The following TENM2 variants were observed in gnomAD, a reference collection of about 807,000 sequenced individuals.
TENM2 encodes teneurin-2.
Under a neutral mutation model 245.2 loss-of-function variants are expected in TENM2, and 52 were observed. That is an observed-to-expected ratio of 0.21 (90% CI 0.17 to 0.27). The LOEUF is 0.27. Ranked by LOEUF, TENM2 falls within the 10% of genes least tolerant of loss-of-function variation. TENM2 has a pLI of 1.00. For synonymous variants in TENM2, 1,363 were observed against 1,438.9 expected, an observed-to-expected ratio of 0.95 and a Z score of 1.19; for missense variants, 3,046 against 3,666.8, an observed-to-expected ratio of 0.83 and a Z score of 4.37.
chr5:167,339,713 G>A (rs1757985008), intron 1 of TENM2, among the ~76,000 whole-genome samples: 1 of 151,880 alleles, frequency 6.6e-6, no homozygotes, highest in Non-Finnish European at 1.5e-5. Flanking sequence ...AATCTCCAGT[G>A]CAAAAGTGTG....
At chr5:167,568,463 A>T (rs1774047423) in intron 2 of TENM2, among the ~76,000 whole-genome samples, 1 of 152,138 alleles carries the variant, frequency 6.6e-6, no homozygotes, top group Non-Finnish European at 1.5e-5. Flanking sequence ...TGGTCTAGCT[A>T]CTAGGAATAT....
intron 1 of TENM2, among the ~76,000 whole-genome samples, chr5:167,358,984 G>A (rs1759527659): frequency 6.6e-6 from 1 of 151,604 alleles, no homozygotes; most frequent in Non-Finnish European, 1.5e-5. Context: ...CAAATTTCAA[G>A]ACTGCCCACC....
chr5:167,934,979 G>A lies in TENM2; in HGVS notation c.713-17609G>A, dbSNP rs73372749. On this transcript the variant is annotated intron_variant, in intron 3 of 28. Coordinates refer to ENST00000518659, the Ensembl canonical transcript of TENM2. ...AGACTGGAAGCAAAGAAAGGGGGTG[G>A]GAAAGAAAACAGTAGGTGTCATTTT... The A allele has an allele frequency of 1.7e-3, 1,580 of 937,988 alleles. 24 individuals carry two copies. In the African/African-American group the frequency reaches 0.027, roughly 16 times the overall value. 58.1% of individuals were successfully genotyped at this position (937,988 alleles called of 1,614,324 possible).
intron 4 of TENM2, chr5:167,953,346 A>T (rs1780269780): frequency 6.4e-6 from 1 of 155,338 alleles, no homozygotes; most frequent in Non-Finnish European, 1.4e-5. Flanking sequence ...CTGTGGGGCA[A>T]ACGGTAATGT....
intron 2 of TENM2, among the ~76,000 whole-genome samples, chr5:167,455,754 A>G (rs1765880751): frequency 6.6e-6 from 1 of 152,070 alleles, no homozygotes; most frequent in East Asian, 1.9e-4. Flanking sequence ...TGACCAAGAG[A>G]CCGTTCAAGG....
chr5:167,451,118 A>G (rs757793365), intron 2 of TENM2, among the ~76,000 whole-genome samples: 4 of 152,302 alleles, frequency 2.6e-5, no homozygotes, highest in Middle Eastern at 3.4e-3. Context: ...GTACTTGGTA[A>G]CAGAAGTATT....
chr5:168,098,877 A>G (rs1422108472), intron 9 of TENM2, among the ~76,000 whole-genome samples: 1 of 151,744 alleles, frequency 6.6e-6, no homozygotes, highest in Non-Finnish European at 1.5e-5. Context: ...ACAAAATGAT[A>G]TTTTACTCCA....
intron 2 of TENM2, among the ~76,000 whole-genome samples, chr5:167,395,171 A>T (rs564746507): frequency 2.0e-5 from 3 of 152,230 alleles, no homozygotes; most frequent in Non-Finnish European, 4.4e-5. Context: ...AATTTCTTTT[A>T]TAAAAGTTTT....
chr5:167,847,871 C>T (rs184595656), intron 2 of TENM2, among the ~76,000 whole-genome samples: 1 of 152,086 alleles, frequency 6.6e-6, no homozygotes, highest in African/African-American at 2.4e-5. Context: ...TATTTGCTTC[C>T]GTTCAGTCAT....
chr5:168,224,068 G>A (rs888515471), intron 23 of TENM2, among the ~76,000 whole-genome samples: 2 of 152,196 alleles, frequency 1.3e-5, no homozygotes, highest in Admixed American at 6.5e-5. Flanking sequence ...TAGATCATCA[G>A]TTATTTAATG....
At chr5:167,632,106 G>C (rs1324213370) in intron 2 of TENM2, among the ~76,000 whole-genome samples, 2 of 152,134 alleles carry the variant, frequency 1.3e-5, no homozygotes, top group Non-Finnish European at 2.9e-5. Flanking sequence ...CAGCAATCCT[G>C]TGGGGGTTTT....
chr5:168,173,413 G>A (rs1303135260), intron 13 of TENM2, among the ~76,000 whole-genome samples: 1 of 152,148 alleles, frequency 6.6e-6, no homozygotes, highest in African/African-American at 2.4e-5. Flanking sequence ...TTGGAGCCAA[G>A]ATCTATTTCA....
At chr5:167,912,989 CATG>C (rs1434621944) in intron 3 of TENM2, among the ~76,000 whole-genome samples, 2 of 152,042 alleles carry the variant, frequency 1.3e-5, no homozygotes, top group East Asian at 3.9e-4. Flanking sequence ...TTCAGGCAGG[CATG>C]ATGTGATGGA....
chr5:167,526,860 C>A (rs1771157284), intron 2 of TENM2, among the ~76,000 whole-genome samples: 1 of 152,176 alleles, frequency 6.6e-6, no homozygotes, highest in East Asian at 1.9e-4. Context: ...GTTCACAGAT[C>A]TTTTAAGTAG....
intron 12 of TENM2, among the ~76,000 whole-genome samples, chr5:168,133,101 G>C (rs1247193210): frequency 1.3e-5 from 2 of 152,174 alleles, no homozygotes; most frequent in Non-Finnish European, 2.9e-5. Flanking sequence ...GCAAATGAAA[G>C]GGTTGGATCA....
intron 13 of TENM2, among the ~76,000 whole-genome samples, chr5:168,178,277 TTC>T (rs1445606624): frequency 1.3e-5 from 2 of 152,188 alleles, no homozygotes; most frequent in African/African-American, 4.8e-5. Context: ...GTCGGCTCAG[TTC>T]TGTGTGACCT....
At chr5:168,040,810 A>C (rs1475297975) in intron 5 of TENM2, among the ~76,000 whole-genome samples, 1 of 152,180 alleles carries the variant, frequency 6.6e-6, no homozygotes, top group African/African-American at 2.4e-5. Flanking sequence ...GCATCCCCAA[A>C]GGATGACAAG....
intron 2 of TENM2, among the ~76,000 whole-genome samples, chr5:167,788,043 G>A (rs2150877389): frequency 6.6e-6 from 1 of 152,312 alleles, no homozygotes; most frequent in Non-Finnish European, 1.5e-5. Flanking sequence ...ATTAGTGGTG[G>A]ATGGGTGGCC....
At chr5:168,001,210 T>C (rs1256284085) in intron 5 of TENM2, among the ~76,000 whole-genome samples, 1 of 152,172 alleles carries the variant, frequency 6.6e-6, no homozygotes, top group Non-Finnish European at 1.5e-5. Flanking sequence ...GTTCCCAAAT[T>C]GCACTTCTGA....
Sources: allele counts gnomAD v4.1 joint callset (sites outside exome capture counted in the v4.1 genomes callset), GRCh38; gene constraint gnomAD v4.1.1; transcripts MANE v1.5; gene names NCBI Gene and HGNC (gene_info 2026-07-23, HGNC 2026-07-21).